The following LACC1 variants were observed in gnomAD, a reference collection of about 807,000 sequenced individuals.
LACC1 encodes purine nucleoside phosphorylase LACC1.
LACC1 carries 25 observed loss-of-function variants against 34.8 expected under a neutral mutation model. The observed-to-expected ratio is 0.72, with a 90% CI of 0.52 to 1.00. LACC1 has a LOEUF of 1.00. Ranked by LOEUF, LACC1 falls within the 50% of genes least tolerant of loss-of-function variation. The pLI, the probability that LACC1 is intolerant of heterozygous loss-of-function variation, is 0.00. For missense variants in LACC1, 426 were observed against 511.2 expected (o/e 0.83, Z 1.61); for synonymous variants, 162 against 168.0 (o/e 0.96, Z 0.28).
At chr13:43,890,592 A>T (rs1453182575) in intron 6 of LACC1, among the ~76,000 whole-genome samples, 2 of 152,194 alleles carry the variant, frequency 1.3e-5, no homozygotes, top group Non-Finnish European at 2.9e-5. Flanking sequence ...TTTAATCTTT[A>T]AAAAGGTATG....
At position 43,881,303 on chromosome 13, in the gene LACC1, T is replaced by C; in HGVS notation, c.318T>C (p.Ile106=). The C allele has an allele frequency of 6.2e-7, 1 of 1,614,094 alleles. No homozygotes were observed. The highest frequency in any genetic ancestry group is 8.5e-7 in the Non-Finnish European group (1 of 1,179,952). Residue 106 remains isoleucine (I), a synonymous_variant, in exon 2 of 7, where the codon ATT becomes ATC. Transcript: ENST00000325686. ...AAAATCTGAGCAGCATTAAGGTAAT[T>C]GTACCCAGGCACAGGAAGACATTAA... ...DEKNLSSIKV[I]VPRHRKTLMK...
rs1955003344 is a variant in LACC1, at chr13:43,881,104, A to C, written c.119A>C (p.Lys40Thr). The change falls in exon 2 of 7, where the codon AAG becomes ACG. Residue 40 changes from lysine to threonine, a missense_variant. By Grantham distance (78) the Lys-to-Thr change is moderately conservative. Transcript: ENST00000325686. ...AVQYHHAAKAKFLCIMCCSNI... is the reference protein window; with the variant it reads ...AVQYHHAAKATFLCIMCCSNI... ...CAATACCACCATGCTGCCAAGGCCA[A>C]GTTTCTCTGTATAATGTGTTGCAGT... The C allele has an allele frequency of 6.2e-7, 1 of 1,614,208 alleles. No homozygotes were observed. The highest frequency in any genetic ancestry group is 1.3e-5 in the African/African-American group (1 of 75,054).
Position 43,888,878 on chromosome 13 carries a change from T to C in LACC1, c.1029T>C (p.Phe343=). The change falls in exon 5 of 7, where the codon TTT becomes TTC. Residue 343 remains phenylalanine (F), a synonymous_variant. Coordinates refer to ENST00000325686, the MANE Select transcript of LACC1 (RefSeq NM_153218.4). ...VLGPSVGPCC[F]TLPRESAEAF... ...GACCTTCAGTAGGACCTTGCTGTTT[T>C]ACTCTTCCAAGGGAATCAGCAGAGG... The C allele has an allele frequency of 6.2e-7, 1 of 1,613,928 alleles. No homozygotes were observed. The highest frequency in any genetic ancestry group is 8.5e-7 in the Non-Finnish European group (1 of 1,179,820).
intron 3 of LACC1, among the ~76,000 whole-genome samples, chr13:43,883,520 A>G (rs909795028): frequency 2.0e-5 from 3 of 152,208 alleles, no homozygotes; most frequent in Non-Finnish European, 4.4e-5. Flanking sequence ...ATTATTCACT[A>G]TATTGAATTT....
In LACC1 at chr13:43,881,282, T is replaced by C; in HGVS notation, c.297T>C (p.Asn99=). The part of the protein sequence containing the change: ...YTIKQKIDEK[N]LSSIKVIVPR... ...TTAAACAGAAAATTGATGAAAAAAA[T>C]CTGAGCAGCATTAAGGTAATTGTAC... Residue 99 remains asparagine (N), a synonymous_variant, in exon 2 of 7, where the codon AAT becomes AAC. Coordinates refer to ENST00000325686, the MANE Select transcript of LACC1 (RefSeq NM_153218.4). 1.2e-6 allele frequency: 2 copies of C among 1,614,166 alleles called. No homozygotes were observed. The highest frequency in any genetic ancestry group is 1.7e-6 in the Non-Finnish European group (2 of 1,180,018).
chr13:43,890,184 A>G lies in LACC1; in HGVS notation c.1204A>G (p.Thr402Ala), dbSNP rs1594901585. The G allele has an allele frequency of 6.2e-7, 1 of 1,613,662 alleles. No individual in the cohort carries two copies. Among genetic ancestry groups the G allele is most frequent in the Admixed American group, 1.7e-5 (1 of 59,960 alleles). Residue 402 changes from threonine to alanine, a missense_variant, in exon 6 of 7, where the codon ACA becomes GCA. Around this residue, in one of 2 missense-constraint regions of LACC1, gnomAD observed 209 missense variants for 300.3 expected, o/e 0.70. Transcript: ENST00000325686. ...QDQNQDLNLCTSCHPDKFFSH... is the reference protein window; with the variant it reads ...QDQNQDLNLCASCHPDKFFSH... ...CCAGAACCAAGATCTCAACCTCTGT[A>G]CATCTTGCCATCCTGACAAGTTTTT...
At chr13:43,887,887 T>C (rs565035061) in intron 4 of LACC1, among the ~76,000 whole-genome samples, 1 of 152,310 alleles carries the variant, frequency 6.6e-6, no homozygotes, top group East Asian at 1.9e-4. Context: ...GAAAACAGTA[T>C]GGCAATTTCT....
At position 43,892,285 on chromosome 13, in the gene LACC1, A is replaced by G. The variant is rs543316262; in HGVS notation, c.*838A>G. On this transcript the variant is annotated 3_prime_UTR_variant, in exon 7 of 7. Transcript: ENST00000325686. ...GACCAAAGCATAGAGACTAGATAAG[A>G]GGCGATCAAAATATTTCAAAAAGAA... is the stretch of plus-strand genomic sequence containing the variant. 6.6e-6 allele frequency: 1 copy of G among 151,098 alleles called. No individual in the cohort carries two copies. The highest frequency in any genetic ancestry group is 1.5e-5 in the Non-Finnish European group (1 of 67,656). The allele number at this position is 151,098 out of a possible 1,614,324, so 9.4% of individuals were successfully genotyped here. A position where few individuals can be genotyped will look rare whatever the true frequency, so the allele number is the denominator to read the frequency against.
At chr13:43,885,896 TAAATC>T (rs952320938) in intron 4 of LACC1, among the ~76,000 whole-genome samples, 3 of 151,430 alleles carry the variant, frequency 2.0e-5, no homozygotes, top group East Asian at 1.9e-4. Context: ...ATAAGGAACT[TAAATC>T]AACAAACAAA....
rs1299570875 is a variant in LACC1 at position 43,881,409 on chromosome 13, CT to C, written c.429del (p.Phe143LeufsTer7). 2.2e-5 allele frequency: 36 copies of C among 1,613,934 alleles called. No homozygotes were observed. Among genetic ancestry groups the C allele is most frequent in the Non-Finnish European group, 2.9e-5 (34 of 1,179,996 alleles). On this transcript the variant is annotated frameshift_variant, in exon 2 of 7. Coordinates refer to ENST00000325686, the MANE Select transcript of LACC1 (RefSeq NM_153218.4). LOFTEE classifies it high-confidence loss of function. ...TTTGCAAGTGACTTTTAGGGGAGGGCTTTTTAAACAGTCCATTGAAATAAAC... is the reference window on the plus strand; with the variant it reads ...TTTGCAAGTGACTTTTAGGGGAGGGCTTTTAAACAGTCCATTGAAATAAAC... The part of the protein sequence containing the change: ...EDLQVTFRGG[L>X]FKQSIEINVI...
intron 1 of LACC1, among the ~76,000 whole-genome samples, 200 bp downstream of exon 1, chr13:43,880,319 C>A (rs3818818): frequency 0.89 from 128,307 of 144,778 alleles, 57,692 homozygotes; most frequent in South Asian, 0.98. Context: ...GTCACCGGAG[C>A]CCCGCAGGTT....
intron 3 of LACC1, 30 bp downstream of exon 3, chr13:43,882,393 C>CT: frequency 6.4e-7 from 1 of 1,551,042 alleles, no homozygotes; most frequent in Non-Finnish European, 8.8e-7. Flanking sequence ...TTTGAAAGAT[C>CT]TAAAGTATAT....
At chr13:43,889,946 AT>A in intron 5 of LACC1, 167 bp from the exon 6 acceptor site, 2 of 566,508 alleles carry the variant, frequency 3.5e-6, no homozygotes, top group Non-Finnish European at 6.1e-6. Flanking sequence ...AAAGTGTAGC[AT>A]TTTTTTCCCT....
In LACC1 at chr13:43,891,743, T is replaced by C. The variant is rs7992315; in HGVS notation, c.*296T>C. 17,694 of 185,296 alleles carry C rather than the reference T, an allele frequency of 0.095. 903 individuals are homozygous for C. The highest frequency in any genetic ancestry group is 0.12 in the Middle Eastern group (46 of 368). The allele number at this position is 185,296 out of a possible 1,614,324, so 11.5% of individuals were successfully genotyped here. ...TAGATTTGTTCAGTTCAGTATTTATTGGATACCCTCTATTGGTCAGGCATT... is the reference window on the plus strand; with the variant it reads ...TAGATTTGTTCAGTTCAGTATTTATCGGATACCCTCTATTGGTCAGGCATT... On this transcript the variant is annotated 3_prime_UTR_variant, in exon 7 of 7. Transcript: ENST00000325686.
chr13:43,891,724 TGTTCA>T lies in LACC1; in HGVS notation c.*285_*289del. 1 of 238,522 alleles carries T rather than the reference TGTTCA, an allele frequency of 4.2e-6. No individual in the cohort carries two copies. The highest frequency in any genetic ancestry group is 6.8e-6 in the Non-Finnish European group (1 of 147,062). The allele number at this position is 238,522 out of a possible 1,614,324, so 14.8% of individuals were successfully genotyped here. A position where few individuals can be genotyped will look rare whatever the true frequency, so the allele number is the denominator to read the frequency against. On this transcript the variant is annotated 3_prime_UTR_variant, in exon 7 of 7. Transcript: ENST00000325686. Reference sequence around the variant, plus strand: ...TTATTACACAGATCAGGAATAGATTTGTTCAGTTCAGTATTTATTGGATACCCTCT... The same window carrying T: ...TTATTACACAGATCAGGAATAGATTTGTTCAGTATTTATTGGATACCCTCT...
rs781131159 is a variant in LACC1 at position 43,888,821 on chromosome 13, C to G, written c.972C>G (p.Gly324=). The G allele has an allele frequency of 6.2e-7, 1 of 1,613,840 alleles. No homozygotes were observed. Among genetic ancestry groups the G allele is most frequent in the Admixed American group, 1.7e-5 (1 of 59,998 alleles). Residue 324 remains glycine, a synonymous_variant, in exon 5 of 7, where the codon GGC becomes GGG. Coordinates refer to ENST00000325686, the MANE Select transcript of LACC1 (RefSeq NM_153218.4). ...ATVNAMIAEY[G]CSLEDIVVVL... ...TGAATGCTATGATAGCAGAATATGG[C>G]TGCAGTTTGGAAGACATTGTTGTTG...
rs117912013 is a variant in LACC1 at position 43,889,745 on chromosome 13, G to A, written c.1134-369G>A. 5.1e-3 allele frequency among the ~76,000 whole-genome samples: 769 copies of A among 152,208 alleles called. 36 individuals carry two copies. In the East Asian group the frequency reaches 0.096, roughly 19 times the overall value. ...GCTAATAGAAGGAAAGGAGATGAAG[G>A]GCCAGATGACTAAAAAGCATACTCT... is the stretch of plus-strand genomic sequence containing the variant. On this transcript the variant is annotated intron_variant, in intron 5 of 6. Transcript: ENST00000325686.
chr13:43,890,337 C>T, intron 6 of LACC1, 63 bp downstream of exon 6: 1 of 1,343,038 alleles, frequency 7.4e-7, no homozygotes, highest in Non-Finnish European at 1.0e-6. Context: ...TCCACTTCTC[C>T]CTCCCTTTCT....
Position 43,881,291 on chromosome 13 carries a change from C to T in LACC1, c.306C>T (p.Ser102=). 2 of 1,614,114 alleles carry T rather than the reference C, an allele frequency of 1.2e-6. No homozygotes were observed. The highest frequency in any genetic ancestry group is 2.2e-5 in the South Asian group (2 of 91,082). The change falls in exon 2 of 7, where the codon AGC becomes AGT. Residue 102 remains serine (S), a synonymous_variant. Coordinates refer to ENST00000325686, the MANE Select transcript of LACC1 (RefSeq NM_153218.4). ...AAATTGATGAAAAAAATCTGAGCAG[C>T]ATTAAGGTAATTGTACCCAGGCACA... The part of the protein sequence containing the change: ...KQKIDEKNLS[S]IKVIVPRHRK...
Sources: allele counts gnomAD v4.1 joint callset (sites outside exome capture counted in the v4.1 genomes callset), GRCh38; gene constraint gnomAD v4.1.1; regional missense constraint gnomAD v4.1.1; transcripts MANE v1.5; gene names NCBI Gene and HGNC (gene_info 2026-07-23, HGNC 2026-07-21).